Variants in STXBP5L observed in about 807,000 individuals in gnomAD.
STXBP5L encodes syntaxin-binding protein 5-like.
Under a neutral mutation model 144.5 loss-of-function variants are expected in STXBP5L, and 65 were observed. That is an observed-to-expected ratio of 0.45 (90% confidence interval 0.37 to 0.55). The LOEUF (loss-of-function observed/expected upper bound fraction) is 0.55. STXBP5L is among the 20% of genes least tolerant of loss of function. The pLI, the probability that STXBP5L is intolerant of heterozygous loss-of-function variation, is 0.00. For missense variants in STXBP5L, 1,298 were observed against 1,405.5 expected (o/e 0.92, Z 1.22); for synonymous variants, 505 against 469.6 (o/e 1.08, Z -0.97).
At position 121,413,201 on chromosome 3, in the gene STXBP5L, C is replaced by T. The variant is rs1431299334; in HGVS notation, c.2992C>T (p.Leu998=). The T allele has an allele frequency of 1.2e-6, 2 of 1,606,430 alleles. No homozygotes were observed. Among genetic ancestry groups the T allele is most frequent in the African/African-American group, 2.7e-5 (2 of 74,628 alleles). The part of the protein sequence containing the change: ...RPMLDVNYLP[L]TDMRIARTFC... ...AATGTTGGATGTTAATTATTTGCCA[C>T]TGACAGACATGAGGATAGCACGAAC... Residue 998 remains leucine (L), a synonymous_variant, in exon 24 of 27, where the codon CTG becomes TTG. Transcript: ENST00000471454.
chr3:121,206,722 A>T (rs1474489922), intron 10 of STXBP5L, among the ~76,000 whole-genome samples: 3 of 152,096 alleles, frequency 2.0e-5, no homozygotes, highest in Admixed American at 2.0e-4. Flanking sequence ...GCTGAGGCAC[A>T]AGAATCCTTT....
At chr3:120,919,902 T>G (rs190413223) in intron 2 of STXBP5L, among the ~76,000 whole-genome samples, 200 of 151,896 alleles carry the variant, frequency 1.3e-3, no homozygotes, top group African/African-American at 3.7e-3. Flanking sequence ...ATGGCTCAGG[T>G]TTTTTTGCTC....
chr3:121,058,372 T>A (rs190541005), intron 5 of STXBP5L, among the ~76,000 whole-genome samples: 210 of 152,358 alleles, frequency 1.4e-3, no homozygotes, highest in African/African-American at 4.6e-3. Context: ...ATCCAGTCTA[T>A]CACTGATGGG....
At chr3:121,304,793 G>C (rs901473216) in intron 19 of STXBP5L, among the ~76,000 whole-genome samples, 1 of 147,374 alleles carries the variant, frequency 6.8e-6, no homozygotes, top group African/African-American at 2.7e-5. Context: ...TAAAGCTCTT[G>C]ATTAAGACAT....
chr3:121,029,945 C>T (rs370155294), intron 3 of STXBP5L, among the ~76,000 whole-genome samples: 64 of 152,182 alleles, frequency 4.2e-4, no homozygotes, highest in African/African-American at 1.5e-3. Flanking sequence ...CATCGCTGGT[C>T]ATTAGAGAAA....
chr3:121,011,430 A>G (rs115853048), intron 3 of STXBP5L, among the ~76,000 whole-genome samples: 4 of 151,624 alleles, frequency 2.6e-5, no homozygotes, highest in Non-Finnish European at 4.4e-5. Context: ...GCATTCTGAG[A>G]TTTTCAGATA....
intron 19 of STXBP5L, among the ~76,000 whole-genome samples, chr3:121,315,163 C>A (rs1490792228): frequency 6.6e-6 from 1 of 152,088 alleles, no homozygotes; most frequent in Non-Finnish European, 1.5e-5. Context: ...ATAAATCATG[C>A]TGCTATAAAG....
chr3:121,329,867 T>C (rs934443409), intron 20 of STXBP5L, among the ~76,000 whole-genome samples: 6 of 152,094 alleles, frequency 3.9e-5, no homozygotes, highest in Middle Eastern at 3.4e-3. Flanking sequence ...TCCCCCACAT[T>C]CCTCTTGCCG....
chr3:121,341,762 C>T (rs1167191315), intron 20 of STXBP5L, among the ~76,000 whole-genome samples: 1 of 151,980 alleles, frequency 6.6e-6, no homozygotes, highest in Non-Finnish European at 1.5e-5. Flanking sequence ...AAGCCAGACA[C>T]AGAAAGACAA....
chr3:121,004,916 G>T (rs1359919867), intron 3 of STXBP5L, among the ~76,000 whole-genome samples: 1 of 152,138 alleles, frequency 6.6e-6, no homozygotes, highest in African/African-American at 2.4e-5. Flanking sequence ...TGATCATGGT[G>T]GATAAGCTTT....
chr3:120,909,831 G>A, intron 2 of STXBP5L, 64 bp downstream of exon 2: 1 of 1,469,664 alleles, frequency 6.8e-7, no homozygotes, highest in Non-Finnish European at 9.1e-7. Context: ...GAAACAAGGG[G>A]GGAAAAACAT....
chr3:120,996,910 A>G (rs535856501), intron 3 of STXBP5L, among the ~76,000 whole-genome samples: 1 of 152,232 alleles, frequency 6.6e-6, no homozygotes, highest in South Asian at 2.1e-4. Context: ...CACTCAGGTA[A>G]TGAGCATAGT....
chr3:121,022,942 A>G (rs984723886), intron 3 of STXBP5L, among the ~76,000 whole-genome samples: 1 of 152,194 alleles, frequency 6.6e-6, no homozygotes, highest in Admixed American at 6.5e-5. Context: ...AGGGCATCCA[A>G]ACTGGTAAAG....
chr3:120,969,449 A>G (rs1939990478), intron 3 of STXBP5L, among the ~76,000 whole-genome samples: 1 of 145,676 alleles, frequency 6.9e-6, no homozygotes, highest in African/African-American at 2.6e-5. Context: ...GATTCTGGAT[A>G]CTAGTCCTTT....
intron 9 of STXBP5L, among the ~76,000 whole-genome samples, chr3:121,191,626 T>C (rs532386767): frequency 6.7e-4 from 102 of 152,210 alleles, no homozygotes; most frequent in Admixed American, 1.5e-3. Flanking sequence ...GGGGATGGCA[T>C]TGATTTTCAC....
Position 121,229,701 on chromosome 3 carries a change from G to A in STXBP5L, c.1112-3915G>A, listed in dbSNP as rs908425429. Among the ~76,000 whole-genome samples, 37 of 152,154 alleles carry A rather than the reference G, an allele frequency of 2.4e-4. 1 individual carries two copies. The highest frequency in any genetic ancestry group is 2.4e-3 in the Admixed American group (37 of 15,258). ...CCCCCAAGTAGCTGAAACTCCAAGT[G>A]TATGTCACCATACCTGGCTAATTAT... On this transcript the variant is annotated intron_variant, in intron 11 of 26. Coordinates refer to ENST00000471454, the MANE Select transcript of STXBP5L (RefSeq NM_001308330.2).
intron 12 of STXBP5L, among the ~76,000 whole-genome samples, chr3:121,236,215 T>C (rs1315899357): frequency 6.6e-6 from 1 of 152,230 alleles, no homozygotes; most frequent in African/African-American, 2.4e-5. Context: ...CTTTTAGATA[T>C]ACACAGTCAC....
chr3:120,983,115 G>A (rs1941953679), intron 3 of STXBP5L, among the ~76,000 whole-genome samples: 1 of 152,160 alleles, frequency 6.6e-6, no homozygotes, highest in Non-Finnish European at 1.5e-5. Flanking sequence ...TGTCCTTGAG[G>A]CATATGAAAG....
At chr3:121,344,773 A>G (rs1011967742) in intron 20 of STXBP5L, among the ~76,000 whole-genome samples, 15 of 152,026 alleles carry the variant, frequency 9.9e-5, no homozygotes, top group African/African-American at 2.9e-4. Flanking sequence ...AAGAGGAATT[A>G]TACTAATTTC....
Sources: allele counts gnomAD v4.1 joint callset (sites outside exome capture counted in the v4.1 genomes callset), GRCh38; gene constraint gnomAD v4.1.1; transcripts MANE v1.5; gene names NCBI Gene and HGNC (gene_info 2026-07-23, HGNC 2026-07-21).